Variants in FYB2 observed in about 807,000 individuals in gnomAD.
FYB2 encodes FYN binding protein 2, also known as FYN-binding protein 2.
FYB2 carries 103 observed loss-of-function variants against 94.1 expected under a neutral mutation model. The observed-to-expected ratio is 1.09, with a 90% CI of 0.93 to 1.29. The LOEUF (loss-of-function observed/expected upper bound fraction) is 1.29. FYB2 is among the 50% of genes most tolerant of loss of function. The pLI is 0.00. For synonymous variants in FYB2, 293 were observed against 287.9 expected (o/e 1.02, Z -0.18); for missense variants, 896 against 841.5 (o/e 1.06, Z -0.80).
chr1:56,819,243 A>G, intron 1 of FYB2, 39 bp downstream of exon 1: 2 of 1,614,150 alleles, frequency 1.2e-6, no homozygotes, highest in Non-Finnish European at 1.7e-6. Flanking sequence ...GCAAGAAAAG[A>G]CACACAGAAA....
Position 56,787,160 on chromosome 1 carries a change from G to C in FYB2, c.953+15C>G. ...GTGGGCTACGTTCCTACACAACTAA[G>C]GAGCATGTACTTACCTCTCTGGAGA... On this transcript the variant is annotated intron_variant, in intron 4 of 19. Coordinates refer to ENST00000343433, the MANE Select transcript of FYB2 (RefSeq NM_001004303.5). The C allele has an allele frequency of 1.9e-6, 3 of 1,613,838 alleles. No homozygotes were observed. The highest frequency in any genetic ancestry group is 2.5e-6 in the Non-Finnish European group (3 of 1,179,794).
intron 8 of FYB2, among the ~76,000 whole-genome samples, chr1:56,752,411 TAG>T (rs1463199439): frequency 2.0e-5 from 3 of 151,766 alleles, no homozygotes; most frequent in Admixed American, 2.0e-4. Context: ...TACAACAGAG[TAG>T]AGATGAGGAT....
At chr1:56,739,754 T>A (rs1451253946) in intron 13 of FYB2, among the ~76,000 whole-genome samples, 3 of 152,102 alleles carry the variant, frequency 2.0e-5, no homozygotes, top group Non-Finnish European at 4.4e-5. Context: ...CATGAGATAG[T>A]CAACACTTTT....
chr1:56,780,094 G>A (rs1418509116), intron 4 of FYB2, among the ~76,000 whole-genome samples: 2 of 152,118 alleles, frequency 1.3e-5, no homozygotes, highest in Non-Finnish European at 2.9e-5. Context: ...AAAGGGCTCA[G>A]CAATGCTCAG....
Position 56,740,809 on chromosome 1 carries a change from C to G in FYB2, c.1605-14G>C, listed in dbSNP as rs1340971266. Reference sequence around the variant, plus strand: ...TTTCCATCTAAACTGAGAGGAATCACAGGATATAAGTAACATGGCATTTAA... The same window carrying G: ...TTTCCATCTAAACTGAGAGGAATCAGAGGATATAAGTAACATGGCATTTAA... On this transcript the variant is annotated splice_polypyrimidine_tract_variant and intron_variant, in intron 12 of 19. Transcript: ENST00000343433. 6.5e-7 allele frequency: 1 copy of G among 1,542,736 alleles called. No homozygotes were observed.
chr1:56,722,099 A>G (rs773875650), intron 17 of FYB2, among the ~76,000 whole-genome samples: 1 of 152,148 alleles, frequency 6.6e-6, no homozygotes, highest in South Asian at 2.1e-4. Flanking sequence ...TGGATGGAAT[A>G]TAAGGGTCTT....
chr1:56,750,125 C>T (rs1034749590), intron 9 of FYB2, among the ~76,000 whole-genome samples: 5 of 151,910 alleles, frequency 3.3e-5, no homozygotes, highest in East Asian at 3.9e-4. Flanking sequence ...GTGCCTACGG[C>T]GTGCCATGGG....
intron 1 of FYB2, among the ~76,000 whole-genome samples, chr1:56,816,425 C>T (rs1224200275): frequency 6.6e-6 from 1 of 152,138 alleles, no homozygotes; most frequent in African/African-American, 2.4e-5. Context: ...AGTAAGTGTT[C>T]TCATAAATGA....
At chr1:56,758,841 A>G in intron 5 of FYB2, 91 bp from the exon 6 acceptor site, 1 of 1,019,336 alleles carries the variant, frequency 9.8e-7, no homozygotes, top group Non-Finnish European at 1.4e-6. Context: ...AAGATTCCAG[A>G]ATTCAGTTTT....
intron 5 of FYB2, among the ~76,000 whole-genome samples, chr1:56,762,186 T>C (rs1645512434): frequency 6.6e-6 from 1 of 152,220 alleles, no homozygotes; most frequent in South Asian, 2.1e-4. Flanking sequence ...TTTTTCAAAA[T>C]TGTTTTTAGG....
At chr1:56,742,103 C>G (rs1232258142) in intron 12 of FYB2, 58 bp downstream of exon 12, 2 of 1,497,398 alleles carry the variant, frequency 1.3e-6, no homozygotes, top group African/African-American at 2.8e-5. Flanking sequence ...GAAACTCTGG[C>G]TTTACTAGAC....
intron 4 of FYB2, among the ~76,000 whole-genome samples, chr1:56,785,456 C>A (rs190096734): frequency 2.0e-5 from 3 of 152,156 alleles, no homozygotes; most frequent in African/African-American, 7.2e-5. Flanking sequence ...CACATAAATA[C>A]GCATAGAACA....
In FYB2 at chr1:56,726,519, T is replaced by C. The variant is rs1644586391; in HGVS notation, c.1858A>G (p.Asn620Asp). ...FLTPKEKKEK[N>D]GAEESESFSP... is the part of the protein sequence containing the mutation. The stretch of plus-strand genomic sequence containing the variant: ...CACCTTTCTGATTCTTCAGCACCGT[T>C]TTTCTCTTTTTTTTCCTTTGGTGTC... The change falls in exon 16 of 20, where the codon AAC becomes GAC. Residue 620 changes from asparagine (N) to aspartate (D), a missense_variant. Transcript: ENST00000343433. The C allele has an allele frequency of 6.8e-6, 11 of 1,611,968 alleles. No individual in the cohort carries two copies. The South Asian group carries it at 8.8e-5, about 13-fold the overall frequency.
Position 56,719,116 on chromosome 1 carries a change from C to T in FYB2, c.*555G>A, listed in dbSNP as rs1644439217. ...ATTCCCAAAAGAAACAAATGTGGAA[C>T]AGTATTCATATGAGTTTATTTTTGT... On this transcript the variant is annotated 3_prime_UTR_variant, in exon 20 of 20. Transcript: ENST00000343433. 6.6e-6 allele frequency: 1 copy of T among 152,166 alleles called. No individual in the cohort carries two copies. Among genetic ancestry groups the T allele is most frequent in the Non-Finnish European group, 1.5e-5 (1 of 68,024 alleles). 9.4% of individuals were successfully genotyped at this position (152,166 alleles called of 1,614,324 possible). A position where few individuals can be genotyped will look rare whatever the true frequency, so the allele number is the denominator to read the frequency against.
chr1:56,747,047 C>T (rs2897038), intron 9 of FYB2, among the ~76,000 whole-genome samples: 33,698 of 151,588 alleles, frequency 0.22, 4,545 homozygotes, highest in African/African-American at 0.38. Flanking sequence ...TGGGGAAGGG[C>T]TGTTTCAATA....
Position 56,740,438 on chromosome 1 carries a change from C to T in FYB2, c.1703+259G>A, listed in dbSNP as rs191911411. ...TGAGGAAAGTTTCCTTTCTGGACTTCGCTTAAGATTTTCCCTCTACCCTTA... is the reference window on the plus strand; with the variant it reads ...TGAGGAAAGTTTCCTTTCTGGACTTTGCTTAAGATTTTCCCTCTACCCTTA... On this transcript the variant is annotated intron_variant, in intron 13 of 19. Transcript: ENST00000343433. 2.0e-5 allele frequency among the ~76,000 whole-genome samples: 3 copies of T among 152,168 alleles called. No individual in the cohort carries two copies. The East Asian group carries it at 5.8e-4, about 30-fold the overall frequency.
At chr1:56,774,464 A>G (rs1645829830) in intron 4 of FYB2, among the ~76,000 whole-genome samples, 1 of 152,042 alleles carries the variant, frequency 6.6e-6, no homozygotes, top group African/African-American at 2.4e-5. Flanking sequence ...GTCCTTTCGA[A>G]TTCTACCACC....
intron 16 of FYB2, among the ~76,000 whole-genome samples, chr1:56,725,995 A>G (rs1644576428): frequency 6.6e-6 from 1 of 152,102 alleles, no homozygotes; most frequent in Non-Finnish European, 1.5e-5. Context: ...TGGGAAATTT[A>G]ATTACATGAA....
chr1:56,771,875 A>G (rs1645764818), intron 4 of FYB2, among the ~76,000 whole-genome samples: 1 of 151,538 alleles, frequency 6.6e-6, no homozygotes, highest in Non-Finnish European at 1.5e-5. Context: ...ATTCCACCCA[A>G]TTGTTTTCTC....
Sources: gnomAD v4.1 joint callset for allele counts (sites outside exome capture counted in the v4.1 genomes callset) on GRCh38, gnomAD v4.1.1 for gene constraint, MANE v1.5 for transcripts, NCBI Gene and HGNC (gene_info 2026-07-23, HGNC 2026-07-21) for gene names.